Variants in VRK2 observed in about 807,000 individuals in gnomAD.
VRK2 encodes the protein VRK serine/threonine kinase 2, also known as serine/threonine-protein kinase VRK2.
Under a neutral mutation model 57.6 loss-of-function variants are expected in VRK2, and 60 were observed. That is an observed-to-expected ratio of 1.04 (90% confidence interval 0.85 to 1.29). The LOEUF (loss-of-function observed/expected upper bound fraction) is 1.29, where lower values mean the gene tolerates loss of function less well. Ranked by LOEUF, VRK2 falls within the 50% of genes most tolerant of loss-of-function variation. The pLI is 0.00. For missense variants in VRK2, 705 were observed against 588.1 expected (o/e 1.20, Z -2.06); for synonymous variants, 231 against 199.2 (o/e 1.16, Z -1.35).
At chr2:58,146,751 A>T (rs191619145) in intron 12 of VRK2, among the ~76,000 whole-genome samples, 153 of 151,348 alleles carry the variant, frequency 1.0e-3, no homozygotes, top group African/African-American at 3.6e-3. Flanking sequence ...GCCATCTATG[A>T]TCCATTAGGG....
At chr2:58,129,945 T>G (rs1321538512) in intron 8 of VRK2, among the ~76,000 whole-genome samples, 1 of 152,130 alleles carries the variant, frequency 6.6e-6, no homozygotes, top group Non-Finnish European at 1.5e-5. Flanking sequence ...AAATAAAAGA[T>G]TGAAAAATGT....
At chr2:58,073,983 A>G (rs1669720249) in intron 2 of VRK2, among the ~76,000 whole-genome samples, 1 of 152,016 alleles carries the variant, frequency 6.6e-6, no homozygotes, top group Non-Finnish European at 1.5e-5. Context: ...CTCAAATGCT[A>G]ATCTCCTTTG....
chr2:57,934,142 A>G (rs1670828279), intron 1 of VRK2, among the ~76,000 whole-genome samples: 1 of 152,164 alleles, frequency 6.6e-6, no homozygotes, highest in South Asian at 2.1e-4. Context: ...TTTGTCTTTT[A>G]ATCATTATAC....
chr2:58,083,726 G>C (rs1671215317), intron 2 of VRK2, among the ~76,000 whole-genome samples: 1 of 151,676 alleles, frequency 6.6e-6, no homozygotes. Context: ...TGGCTTTAAT[G>C]CCATATATCT....
At chr2:58,095,739 GTATT>G (rs1029983027) in intron 7 of VRK2, among the ~76,000 whole-genome samples, 3 of 150,838 alleles carry the variant, frequency 2.0e-5, no homozygotes, top group Admixed American at 6.6e-5. Context: ...TACAGTTCTT[GTATT>G]TAATTTGTCT....
At chr2:57,946,098 A>G (rs961967073) in intron 1 of VRK2, among the ~76,000 whole-genome samples, 10 of 152,100 alleles carry the variant, frequency 6.6e-5, no homozygotes, top group African/African-American at 2.4e-4. Context: ...GTAGGAGAGG[A>G]ATAATTTATT....
intron 9 of VRK2, 78 bp downstream of exon 9, chr2:58,132,006 A>G (rs1679275542): frequency 2.6e-6 from 4 of 1,542,384 alleles, no homozygotes; most frequent in Non-Finnish European, 3.5e-6. Context: ...CAACACAGAG[A>G]AGATTGGCAT....
rs917205003 is a variant in VRK2 at position 57,929,758 on chromosome 2, G to A, written c.-439+21919G>A. ...CATTGCTGATTATTCAGGGTCCAAG[G>A]CTCTTTAGTCAGCAGGTGACGAATC... On this transcript the variant is annotated intron_variant, in intron 1 of 15. Coordinates refer to the VRK2 transcript ENST00000417641. Among the ~76,000 whole-genome samples, 3 of 152,156 alleles carry A rather than the reference G, an allele frequency of 2.0e-5. No individual in the cohort carries two copies. In the South Asian group the frequency reaches 6.2e-4, roughly 32 times the overall value.
chr2:58,136,104 C>A (rs1187069657), intron 10 of VRK2, among the ~76,000 whole-genome samples: 2 of 152,184 alleles, frequency 1.3e-5, no homozygotes, highest in South Asian at 2.1e-4. Flanking sequence ...CTTAAACTTA[C>A]ATTCACAGCC....
intron 7 of VRK2, among the ~76,000 whole-genome samples, chr2:58,094,264 C>T (rs1672803439): frequency 1.3e-5 from 2 of 152,130 alleles, no homozygotes; most frequent in Non-Finnish European, 2.9e-5. Flanking sequence ...GCAGTATGGC[C>T]ATTCTGATGA....
At chr2:57,956,472 G>C (rs540183744) in intron 1 of VRK2, among the ~76,000 whole-genome samples, 2 of 152,298 alleles carry the variant, frequency 1.3e-5, no homozygotes, top group East Asian at 3.9e-4. Flanking sequence ...GGACTGTGAA[G>C]CAGTAAACAT....
rs1447823557 is a variant in VRK2 at position 58,131,798 on chromosome 2, A to C, written c.677-10A>C. On this transcript the variant is annotated splice_polypyrimidine_tract_variant and intron_variant, in intron 8 of 12. Transcript: ENST00000340157. Reference sequence around the variant, plus strand: ...TCCCTTATCTTTCTCTCTAATGCTTACTCCTATAGCCTTGTCCAGACGAAG... The same window carrying C: ...TCCCTTATCTTTCTCTCTAATGCTTCCTCCTATAGCCTTGTCCAGACGAAG... 1 of 1,596,110 alleles carries C rather than the reference A, an allele frequency of 6.3e-7. No homozygotes were observed. Among genetic ancestry groups the C allele is most frequent in the Non-Finnish European group, 8.5e-7 (1 of 1,174,100 alleles).
At chr2:58,154,886 C>T (rs1252432340) in intron 12 of VRK2, 1 of 595,080 alleles carries the variant, frequency 1.7e-6, no homozygotes, top group East Asian at 2.8e-5. Flanking sequence ...ATTTTGTTCA[C>T]TTCAAAATAT....
intron 11 of VRK2, among the ~76,000 whole-genome samples, chr2:58,143,663 T>C (rs1241094742): frequency 6.6e-6 from 1 of 151,820 alleles, no homozygotes; most frequent in South Asian, 2.1e-4. Flanking sequence ...GCCTAGCATA[T>C]AGGAAGCACT....
intron 2 of VRK2, among the ~76,000 whole-genome samples, chr2:58,083,748 C>A (rs1409301769): frequency 6.6e-6 from 1 of 151,646 alleles, no homozygotes; most frequent in Non-Finnish European, 1.5e-5. Flanking sequence ...TAAAATATTT[C>A]CCCCCACATT....
intron 1 of VRK2, among the ~76,000 whole-genome samples, chr2:57,958,096 G>T (rs1248749926): frequency 6.6e-6 from 1 of 152,064 alleles, no homozygotes; most frequent in African/African-American, 2.4e-5. Context: ...CTGGGATCCT[G>T]CCCTCTACCC....
chr2:58,086,247 T>G, intron 4 of VRK2, 92 bp from the exon 5 acceptor site: 1 of 1,117,440 alleles, frequency 8.9e-7, no homozygotes, highest in East Asian at 2.5e-5. Context: ...CTAATTACTT[T>G]TTTGGTTAGC....
chr2:58,130,663 AACTT>A (rs1252022475), intron 8 of VRK2, among the ~76,000 whole-genome samples: 1 of 152,204 alleles, frequency 6.6e-6, no homozygotes, highest in African/African-American at 2.4e-5. Context: ...TTCACTGAGT[AACTT>A]TTCAGAGTTT....
At position 58,151,731 on chromosome 2, in the gene VRK2, G is replaced by GTTTTTTTTTT. The variant is rs60379025; in HGVS notation, c.1182+5284_1182+5293dup. ...TTTTTTTAACTATGCTTCTATGCTTGTTTTTTTTTTTTTTTTTTTTTTTTT... is the reference window on the plus strand; with the variant it reads ...TTTTTTTAACTATGCTTCTATGCTTGTTTTTTTTTTTTTTTTTTTTTTTTTTTTTTTTTTT... On this transcript the variant is annotated intron_variant, in intron 12 of 12. Transcript: ENST00000340157. Among the ~76,000 whole-genome samples, 117 of 16,720 alleles carry GTTTTTTTTTT rather than the reference G, an allele frequency of 7.0e-3. 54 individuals are homozygous for GTTTTTTTTTT. The highest frequency in any genetic ancestry group is 8.9e-3 in the Non-Finnish European group (59 of 6,624). 11.0% of individuals were successfully genotyped at this position (16,720 alleles called of 152,430 possible).
Sources: gnomAD v4.1 joint callset for allele counts (sites outside exome capture counted in the v4.1 genomes callset) on GRCh38, gnomAD v4.1.1 for gene constraint, MANE v1.5 for transcripts, NCBI Gene and HGNC (gene_info 2026-07-23, HGNC 2026-07-21) for gene names.